HAUS4: variants seen among roughly 807,000 people sequenced by gnomAD.
The protein encoded by HAUS4 is HAUS augmin like complex subunit 4.
A neutral mutation model predicts 50.6 loss-of-function variants in HAUS4; 34 were observed. The ratio of observed to expected loss-of-function variants is 0.67; its 90% CI spans 0.51 to 0.90. HAUS4 has a LOEUF of 0.90. Among genes scored for constraint, HAUS4 ranks in the 40% least tolerant of loss-of-function variants. HAUS4 has a pLI of 0.00. For missense variants in HAUS4, 370 were observed against 428.7 expected, an observed-to-expected ratio of 0.86 and a Z score of 1.21; for synonymous variants, 149 against 161.4, an observed-to-expected ratio of 0.92 and a Z score of 0.58.
intron 2 of HAUS4, 53 bp downstream of exon 2, chr14:22,955,041 AACCTGG>A (rs1302987302): frequency 8.0e-7 from 1 of 1,250,118 alleles, no homozygotes; most frequent in Non-Finnish European, 1.2e-6. Context: ...AAAAGGCAAG[AACCTGG>A]ATAAGACCTC....
chr14:22,953,847 G>A (rs1335745329), intron 2 of HAUS4, among the ~76,000 whole-genome samples: 1 of 150,996 alleles, frequency 6.6e-6, no homozygotes, highest in Non-Finnish European at 1.5e-5. Flanking sequence ...AGCCAGGATG[G>A]TCTCAATCTC....
intron 1 of HAUS4, among the ~76,000 whole-genome samples, chr14:22,955,863 T>C (rs2044853340): frequency 6.6e-6 from 1 of 151,944 alleles, no homozygotes; most frequent in African/African-American, 2.4e-5. Flanking sequence ...ACGTGAGCTG[T>C]GGGTGTTTTG....
rs770472584 is a variant in HAUS4 at position 22,947,246 on chromosome 14, G to GA, written c.840-8dup. 5 of 1,592,526 alleles carry GA rather than the reference G, an allele frequency of 3.1e-6. No individual in the cohort carries two copies. On this transcript the variant is annotated splice_polypyrimidine_tract_variant and splice_region_variant and intron_variant, in intron 8 of 9. Transcript: ENST00000541587. Reference sequence around the variant, plus strand: ...AATCTTTAGCTCCTCCATCCTGACAGAGGGAAGAAAGAAATGTCAAGGCAG... The same window carrying GA: ...AATCTTTAGCTCCTCCATCCTGACAGAAGGGAAGAAAGAAATGTCAAGGCAG...
chr14:22,952,842 A>C (rs1430777945), intron 2 of HAUS4, among the ~76,000 whole-genome samples, 159 bp from the exon 3 acceptor site: 1 of 152,206 alleles, frequency 6.6e-6, no homozygotes, highest in African/African-American at 2.4e-5. Context: ...CAAATAAACA[A>C]GGGTAATATT....
At position 22,953,938 on chromosome 14, in the gene HAUS4, T is replaced by C. The variant is rs182690958; in HGVS notation, c.55+1162A>G. On this transcript the variant is annotated intron_variant, in intron 2 of 9. Coordinates refer to ENST00000541587, the MANE Select transcript of HAUS4 (RefSeq NM_001166269.2). Reference sequence around the variant, plus strand: ...AGCCACCGTGCCCAGCCTCTAATTTTTGTATTTTTAGTAGGGACGGGGTTT... The same window carrying C: ...AGCCACCGTGCCCAGCCTCTAATTTCTGTATTTTTAGTAGGGACGGGGTTT... Among the ~76,000 whole-genome samples the C allele has an allele frequency of 6.0e-4, 92 of 152,126 alleles. 2 individuals carry two copies. Among genetic ancestry groups the C allele is most frequent in the Admixed American group, 5.0e-3 (76 of 15,260 alleles).
intron 2 of HAUS4, among the ~76,000 whole-genome samples, chr14:22,953,777 C>A (rs1310408846): frequency 6.6e-6 from 1 of 151,272 alleles, no homozygotes; most frequent in Admixed American, 6.6e-5. Context: ...CCCGCCACCA[C>A]GCCCAGCTAT....
Position 22,950,395 on chromosome 14 carries a change from T to G in HAUS4, c.481A>C (p.Arg161=). 1 of 1,610,380 alleles carries G rather than the reference T, an allele frequency of 6.2e-7. No individual in the cohort carries two copies. The highest frequency in any genetic ancestry group is 8.5e-7 in the Non-Finnish European group (1 of 1,176,672). ...MPLSEDFVWM[R]ARLQQEVEEQ... is the part of the protein sequence containing the mutation. Reference sequence around the variant, plus strand: ...TCTACTTCTTGCTGTAGCCGAGCCCTCATCCACACAAAATCCTACAGTCAT... The same window carrying G: ...TCTACTTCTTGCTGTAGCCGAGCCCGCATCCACACAAAATCCTACAGTCAT... The change falls in exon 6 of 10, where the codon AGG becomes CGG. Residue 161 remains arginine (R), a synonymous_variant. Transcript: ENST00000541587.
intron 1 of HAUS4, among the ~76,000 whole-genome samples, chr14:22,955,990 C>T (rs1307390265): frequency 1.3e-5 from 2 of 152,120 alleles, no homozygotes; most frequent in African/African-American, 4.8e-5. Context: ...TGTTTTTGCT[C>T]TGCCCCTCCT....
rs1423141252 is a variant in HAUS4 at position 22,946,439 on chromosome 14, C to G, written c.*86G>C. On this transcript the variant is annotated 3_prime_UTR_variant, in exon 10 of 10. Transcript: ENST00000541587. ...TTTCCACACTCCCTTGTACTGAAGGCAGCCCCAGGTGAAGGTGGTCCCACT... is the reference window on the plus strand; with the variant it reads ...TTTCCACACTCCCTTGTACTGAAGGGAGCCCCAGGTGAAGGTGGTCCCACT... The G allele has an allele frequency of 1.9e-6, 2 of 1,047,414 alleles. No homozygotes were observed. Among genetic ancestry groups the G allele is most frequent in the East Asian group, 2.5e-5 (1 of 40,814 alleles). 64.9% of individuals were successfully genotyped at this position (1,047,414 alleles called of 1,614,324 possible). A position where few individuals can be genotyped will look rare whatever the true frequency, so the allele number is the denominator to read the frequency against.
chr14:22,956,444 C>T (rs1032912152), intron 1 of HAUS4, among the ~76,000 whole-genome samples: 3 of 152,200 alleles, frequency 2.0e-5, no homozygotes, highest in African/African-American at 7.2e-5. Context: ...AAATTTCGCA[C>T]TTGGAAATGA....
intron 4 of HAUS4, among the ~76,000 whole-genome samples, chr14:22,951,941 C>G (rs1407218477): frequency 6.6e-6 from 1 of 152,186 alleles, no homozygotes; most frequent in Non-Finnish European, 1.5e-5. Context: ...TCCTACTTCC[C>G]CTAGATCACA....
chr14:22,949,170 A>C (rs1193228461), intron 6 of HAUS4, among the ~76,000 whole-genome samples: 1 of 151,418 alleles, frequency 6.6e-6, no homozygotes, highest in Admixed American at 6.6e-5. Flanking sequence ...AAAAAAAAAA[A>C]AAAGAAATGG....
rs953604744 is a variant in HAUS4, at chr14:22,957,023, C to A, written c.-130G>T. ...CCAGAACCCGCCCGCGCCGGGGCTC[C>A]GGAACCTCTCGTTCGGGCCGGGCGC... On this transcript the variant is annotated 5_prime_UTR_variant, in exon 1 of 10. Transcript: ENST00000541587. The A allele has an allele frequency of 1.3e-5, 2 of 154,220 alleles. No individual in the cohort carries two copies. The highest frequency in any genetic ancestry group is 4.8e-5 in the African/African-American group (2 of 41,536). The allele number at this position is 154,220 out of a possible 1,614,324, so 9.6% of individuals were successfully genotyped here.
chr14:22,952,724 G>T (rs535999519), intron 2 of HAUS4, 41 bp from the exon 3 acceptor site: 7 of 1,522,062 alleles, frequency 4.6e-6, no homozygotes, highest in Admixed American at 2.2e-5. Flanking sequence ...AACAAAAAAG[G>T]TGTGGACTCT....
intron 1 of HAUS4, among the ~76,000 whole-genome samples, chr14:22,955,744 C>T (rs942032006): frequency 6.6e-6 from 1 of 151,556 alleles, no homozygotes; most frequent in Admixed American, 6.6e-5. Flanking sequence ...CTGGTTTTCA[C>T]ATAACAGCCT....
intron 6 of HAUS4, among the ~76,000 whole-genome samples, 192 bp downstream of exon 6, chr14:22,950,122 C>A (rs2044724575): frequency 1.5e-5 from 2 of 135,176 alleles, no homozygotes; most frequent in South Asian, 2.7e-4. Flanking sequence ...GAGCAAAACG[C>A]CATCTCAAAA....
intron 4 of HAUS4, 110 bp from the exon 5 acceptor site, chr14:22,951,799 A>G: frequency 2.1e-6 from 2 of 955,314 alleles, no homozygotes; most frequent in South Asian, 3.3e-5. Context: ...GTCCTCAAAT[A>G]TATCATCCCC....
intron 6 of HAUS4, among the ~76,000 whole-genome samples, chr14:22,949,030 G>A (rs756290103): frequency 2.0e-4 from 31 of 151,612 alleles, no homozygotes; most frequent in Middle Eastern, 3.4e-3. Context: ...GGTGGCAGGC[G>A]CCTGTAATCC....
chr14:22,949,157 CA>C (rs113283565), intron 6 of HAUS4, among the ~76,000 whole-genome samples: 88,022 of 121,084 alleles, frequency 0.73, 29,987 homozygotes, highest in East Asian at 0.93. Context: ...AACTCCGTCT[CA>C]AAAAAAAAAA....
Sources: gnomAD v4.1 joint callset for allele counts (sites outside exome capture counted in the v4.1 genomes callset) on GRCh38, gnomAD v4.1.1 for gene constraint, MANE v1.5 for transcripts, NCBI Gene and HGNC (gene_info 2026-07-23, HGNC 2026-07-21) for gene names.